IL1RAPL2: variants seen among roughly 807,000 people sequenced by gnomAD.
IL1RAPL2 encodes the protein X-linked interleukin-1 receptor accessory protein-like 2.
Under a neutral mutation model 44.1 loss-of-function variants are expected in IL1RAPL2, and 3 were observed. The ratio of observed to expected loss-of-function variants is 0.07; its 90% CI spans 0.03 to 0.18. The LOEUF (loss-of-function observed/expected upper bound fraction) is 0.18. Ranked by LOEUF, IL1RAPL2 falls within the 10% of genes least tolerant of loss-of-function variation. IL1RAPL2 has a pLI of 1.00. For missense variants in IL1RAPL2, 391 were observed against 496.4 expected, an observed-to-expected ratio of 0.79 and a Z score of 2.02; for synonymous variants, 181 against 178.8, an observed-to-expected ratio of 1.01 and a Z score of -0.10.
chrX:105,201,451 A>T (rs2033717250), intron 3 of IL1RAPL2, among the ~76,000 whole-genome samples: 1 of 112,208 alleles, frequency 8.9e-6, no homozygotes, highest in Admixed American at 9.4e-5. Flanking sequence ...AGTATACAGT[A>T]ATTTTACTTG....
At chrX:105,038,162 A>G (rs67067821) in intron 2 of IL1RAPL2, among the ~76,000 whole-genome samples, 10,882 of 110,685 alleles carry the variant, frequency 0.098, 532 homozygotes, top group East Asian at 0.16. Context: ...TTCTGGCTTC[A>G]ATCCACTCTA....
intron 5 of IL1RAPL2, among the ~76,000 whole-genome samples, chrX:105,401,219 A>G (rs1728077907): frequency 9.0e-6 from 1 of 111,516 alleles, no homozygotes; most frequent in African/African-American, 3.2e-5. Context: ...GAGGGGCTGA[A>G]CATTCAAAAT....
intron 2 of IL1RAPL2, among the ~76,000 whole-genome samples, chrX:104,678,593 C>A (rs1054237487): frequency 4.5e-5 from 5 of 112,128 alleles, no homozygotes; most frequent in African/African-American, 1.6e-4. Context: ...GATAGTAGAT[C>A]CTAGACTTCT....
At chrX:105,719,369 G>T (rs187623170) in intron 7 of IL1RAPL2, among the ~76,000 whole-genome samples, 1 of 111,633 alleles carries the variant, frequency 9.0e-6, no homozygotes, top group African/African-American at 3.2e-5. Context: ...TAGATTACTG[G>T]GTGCTTAGCG....
At chrX:105,015,851 AAGTC>A (rs1229679746) in intron 2 of IL1RAPL2, among the ~76,000 whole-genome samples, 1 of 111,823 alleles carries the variant, frequency 8.9e-6, no homozygotes, top group Non-Finnish European at 1.9e-5. Flanking sequence ...TCTGTGAAGA[AAGTC>A]AGTGTTAGCT....
chrX:105,057,595 AT>A (rs2032010376), intron 2 of IL1RAPL2, among the ~76,000 whole-genome samples: 1 of 110,830 alleles, frequency 9.0e-6, no homozygotes, highest in Non-Finnish European at 1.9e-5. Flanking sequence ...ACCTCCATCT[AT>A]CAGAGTCCCC....
At chrX:104,661,125 T>C (rs926797406) in intron 2 of IL1RAPL2, among the ~76,000 whole-genome samples, 8 of 111,580 alleles carry the variant, frequency 7.2e-5, no homozygotes, top group African/African-American at 2.6e-4. Flanking sequence ...ACAAATGGTA[T>C]CATATCTGCA....
intron 5 of IL1RAPL2, among the ~76,000 whole-genome samples, chrX:105,479,755 TAATAAAATAA>T (rs749634925): frequency 3.9e-4 from 41 of 105,399 alleles, no homozygotes; most frequent in East Asian, 8.9e-4. Context: ...ATAAATAAAA[TAATAAAATAA>T]AATAAAATAA....
chrX:104,919,958 A>T (rs752719258), intron 2 of IL1RAPL2, among the ~76,000 whole-genome samples: 1 of 110,925 alleles, frequency 9.0e-6, no homozygotes, highest in Non-Finnish European at 1.9e-5. Context: ...TATGTCCTGC[A>T]TGGAGGCCTC....
chrX:105,374,887 G>T (rs946583454), intron 5 of IL1RAPL2, among the ~76,000 whole-genome samples: 1 of 100,164 alleles, frequency 1.0e-5, no homozygotes, highest in African/African-American at 3.8e-5. Context: ...GACGGAGCTT[G>T]CAGCGAGCCT....
chrX:105,694,814 T>C (rs780562737), intron 6 of IL1RAPL2, among the ~76,000 whole-genome samples: 1 of 111,701 alleles, frequency 9.0e-6, no homozygotes, highest in Non-Finnish European at 1.9e-5. Flanking sequence ...AAAAGGCAGA[T>C]CCAAATAAGC....
intron 2 of IL1RAPL2, among the ~76,000 whole-genome samples, chrX:104,947,933 G>GT (rs1327356602): frequency 9.0e-6 from 1 of 111,719 alleles, no homozygotes; most frequent in Non-Finnish European, 1.9e-5. Flanking sequence ...CTTTAAAGTA[G>GT]TTTTTTCCAA....
chrX:105,766,945 CTCTT>C lies in IL1RAPL2; in HGVS notation c.1364-15_1364-12del. On this transcript the variant is annotated splice_polypyrimidine_tract_variant and intron_variant, in intron 10 of 10. Coordinates refer to ENST00000372582, the MANE Select transcript of IL1RAPL2 (RefSeq NM_017416.2). ...GCAATGTCTTTGTTTTACTCTTTCT[CTCTT>C]TCTGTGATTTGTAGCATACATGGAA... 1 of 1,137,832 alleles carries C rather than the reference CTCTT, an allele frequency of 8.8e-7. No individual in the cohort carries two copies. The allele number at this position is 1,137,832 out of a possible 1,213,427, so 93.8% of individuals were successfully genotyped here. A position where few individuals can be genotyped will look rare whatever the true frequency, so the allele number is the denominator to read the frequency against.
At chrX:105,523,346 C>T (rs1473857488) in intron 6 of IL1RAPL2, among the ~76,000 whole-genome samples, 2 of 111,424 alleles carry the variant, frequency 1.8e-5, no homozygotes, top group African/African-American at 3.3e-5. Flanking sequence ...CTCTCAGCCT[C>T]AGTTTTCACA....
chrX:105,324,234 G>T (rs2034918481), intron 5 of IL1RAPL2, among the ~76,000 whole-genome samples: 1 of 110,920 alleles, frequency 9.0e-6, no homozygotes, highest in African/African-American at 3.3e-5. Flanking sequence ...AATAGAAATG[G>T]AGTACAGAGG....
At chrX:105,340,591 C>A (rs2035063001) in intron 5 of IL1RAPL2, among the ~76,000 whole-genome samples, 1 of 112,019 alleles carries the variant, frequency 8.9e-6, no homozygotes, top group African/African-American at 3.2e-5. Context: ...TTAAACACAC[C>A]TGAGCATCCT....
chrX:105,142,249 A>G (rs955680022), intron 2 of IL1RAPL2, among the ~76,000 whole-genome samples: 7 of 112,120 alleles, frequency 6.2e-5, no homozygotes, highest in African/African-American at 2.3e-4. Flanking sequence ...GCACCTTTGA[A>G]GGGGACTTTA....
chrX:104,728,522 A>G (rs1037550297), intron 2 of IL1RAPL2, among the ~76,000 whole-genome samples: 3 of 111,532 alleles, frequency 2.7e-5, no homozygotes, highest in Admixed American at 9.5e-5. Context: ...ACATTTGGAA[A>G]TATGTTTGTT....
intron 5 of IL1RAPL2, among the ~76,000 whole-genome samples, chrX:105,286,618 T>TA (rs1569418593): frequency 1.9e-5 from 2 of 103,657 alleles, no homozygotes; most frequent in Admixed American, 1.0e-4. Context: ...TTTTTTTTTT[T>TA]TAAAAAAACA....
Sources: allele counts gnomAD v4.1 joint callset (sites outside exome capture counted in the v4.1 genomes callset), GRCh38; gene constraint gnomAD v4.1.1; transcripts MANE v1.5; gene names NCBI Gene and HGNC (gene_info 2026-07-23, HGNC 2026-07-21).